The following CCDC40 variants were observed in gnomAD, a reference collection of about 807,000 sequenced individuals.
The protein encoded by CCDC40 is coiled-coil domain 40 molecular ruler complex subunit.
A neutral mutation model predicts 124.5 loss-of-function variants in CCDC40; 104 were observed. The observed-to-expected ratio is 0.84, with a 90% CI of 0.71 to 0.98. CCDC40 has a LOEUF of 0.98. Among genes scored for constraint, CCDC40 ranks in the 50% least tolerant of loss-of-function variants. The pLI, the probability that CCDC40 is intolerant of heterozygous loss-of-function variation, is 0.00. For synonymous variants in CCDC40, 580 were observed against 602.9 expected (o/e 0.96, Z 0.56); for missense variants, 1,463 against 1,503.9 (o/e 0.97, Z 0.45).
At chr17:80,092,931 T>C (rs1483003682) in intron 17 of CCDC40, among the ~76,000 whole-genome samples, 1 of 152,202 alleles carries the variant, frequency 6.6e-6, no homozygotes, top group Non-Finnish European at 1.5e-5. Context: ...TTAATTTTTG[T>C]GTATGGTGCA....
At position 80,066,199 on chromosome 17, in the gene CCDC40, T is replaced by G. The variant is rs2038042686; in HGVS notation, c.1562+593T>G. On this transcript the variant is annotated intron_variant, in intron 10 of 19. Coordinates refer to ENST00000397545, the MANE Select transcript of CCDC40 (RefSeq NM_017950.4). The surrounding 1 kb of genome is among the most constrained non-coding windows in gnomAD (Gnocchi z 4.4). ...TGGCACGTGTCTCACCCGCTGAGCTTTAACTTCCCCTCCACCTTTCGTAGT... is the reference window on the plus strand; with the variant it reads ...TGGCACGTGTCTCACCCGCTGAGCTGTAACTTCCCCTCCACCTTTCGTAGT... 3 of 702,780 alleles carry G rather than the reference T, an allele frequency of 4.3e-6. No homozygotes were observed. The Admixed American group carries it at 6.0e-5, about 14-fold the overall frequency. The allele number at this position is 702,780 out of a possible 1,614,324, so 43.5% of individuals were successfully genotyped here.
intron 1 of CCDC40, 129 bp from the exon 2 acceptor site, chr17:80,037,994 G>T: frequency 1.5e-6 from 1 of 681,834 alleles, no homozygotes; most frequent in Non-Finnish European, 2.7e-6. Context: ...GGACAAAGAC[G>T]TGACAACAGC....
At chr17:80,088,176 A>G (rs1318440036) in intron 16 of CCDC40, 74 bp downstream of exon 16, 2 of 1,009,056 alleles carry the variant, frequency 2.0e-6, no homozygotes, top group Admixed American at 1.8e-5. Flanking sequence ...GTTGAAGACC[A>G]TGTAGGAGGC....
chr17:80,038,161 A>G lies in CCDC40; in HGVS notation c.68A>G (p.Lys23Arg). ...PEDGSASEGE[K>R]EGNNESHMVS... Reference sequence around the variant, plus strand: ...GATGGATCGGCTTCTGAGGGAGAGAAGGAAGGGAATAATGAAAGCCACATG... The same window carrying G: ...GATGGATCGGCTTCTGAGGGAGAGAGGGAAGGGAATAATGAAAGCCACATG... The change falls in exon 2 of 20, where the codon AAG becomes AGG. Residue 23 changes from lysine to arginine, a missense_variant. By Grantham distance (26) the Lys-to-Arg change is conservative. Transcript: ENST00000397545. The G allele has an allele frequency of 6.2e-7, 1 of 1,610,518 alleles. No homozygotes were observed. The highest frequency in any genetic ancestry group is 2.2e-5 in the East Asian group (1 of 44,826).
At position 80,084,827 on chromosome 17, in the gene CCDC40, C is replaced by G. The variant is rs1332791879; in HGVS notation, c.2074C>G (p.Gln692Glu). ...THTSSRLDAHQKTLVELDQDV... is the reference protein window; with the variant it reads ...THTSSRLDAHEKTLVELDQDV... ...CACCAGCAGCAGGCTGGACGCACAC[C>G]AGAAGACCCTGGTGGAGCTGGACCA... is the stretch of plus-strand genomic sequence containing the variant. The change falls in exon 13 of 20, where the codon CAG becomes GAG. Residue 692 changes from glutamine (Q) to glutamate (E), a missense_variant. Coordinates refer to ENST00000397545, the MANE Select transcript of CCDC40 (RefSeq NM_017950.4). The G allele has an allele frequency of 1.2e-6, 2 of 1,614,068 alleles. No individual in the cohort carries two copies. The highest frequency in any genetic ancestry group is 3.3e-5 in the Admixed American group (2 of 59,996).
intron 12 of CCDC40, 42 bp downstream of exon 12, chr17:80,082,100 C>T: frequency 6.3e-7 from 1 of 1,591,470 alleles, no homozygotes; most frequent in Non-Finnish European, 8.6e-7. Flanking sequence ...AAGCCCCCTG[C>T]AGCCTGGGCA....
chr17:80,056,016 A>ATATATATATATTTTTTTTTTTTTTT, intron 7 of CCDC40, among the ~76,000 whole-genome samples: 5 of 10,248 alleles, frequency 4.9e-4, no homozygotes, highest in Non-Finnish European at 4.8e-4. Context: ...ATATATATAT[A>ATATATATATATTTTTTTTTTTTTTT]TTTTTTTTTT....
Position 80,048,582 on chromosome 17 carries a change from G to C in CCDC40, c.677-1G>C. On this transcript the variant is annotated splice_acceptor_variant, in intron 4 of 19. Transcript: ENST00000397545. LOFTEE classifies it high-confidence loss of function. ...AATGGTGTCGCTGTCTCTCCCCCCAGTGATCCCCCCAGGGGTGCCCGATGC... is the reference window on the plus strand; with the variant it reads ...AATGGTGTCGCTGTCTCTCCCCCCACTGATCCCCCCAGGGGTGCCCGATGC... 1.2e-6 allele frequency: 2 copies of C among 1,612,740 alleles called. No individual in the cohort carries two copies. The highest frequency in any genetic ancestry group is 1.7e-6 in the Non-Finnish European group (2 of 1,179,278).
intron 2 of CCDC40, among the ~76,000 whole-genome samples, chr17:80,039,505 G>C (rs1182038579): frequency 6.6e-6 from 1 of 151,000 alleles, no homozygotes; most frequent in South Asian, 2.1e-4. Context: ...TCTGCCTTCC[G>C]AGTTTAAGCA....
At chr17:80,077,571 T>C (rs1297908863) in intron 10 of CCDC40, among the ~76,000 whole-genome samples, 1 of 152,062 alleles carries the variant, frequency 6.6e-6, no homozygotes, top group African/African-American at 2.4e-5. Flanking sequence ...AAGTGACTGG[T>C]TCCAATTTGC....
In CCDC40 at chr17:80,086,017, G is replaced by A. The variant is rs1328794460; in HGVS notation, c.2250G>A (p.Gly750=). 1 of 1,613,878 alleles carries A rather than the reference G, an allele frequency of 6.2e-7. No homozygotes were observed. The highest frequency in any genetic ancestry group is 1.3e-5 in the African/African-American group (1 of 74,908). The change falls in exon 14 of 20, where the codon GGG becomes GGA. Residue 750 remains glycine (G), a synonymous_variant. Transcript: ENST00000397545. The surrounding 1 kb of genome is among the most constrained non-coding windows in gnomAD (Gnocchi z 5.5). ...MVSELGGEEV[G]PLELEIKRLS... ...ATCCGGTCTAGGGGGAAGAAGTGGG[G>A]CCCCTGGAGCTTGAAATCAAAAGGC...
Position 80,082,072 on chromosome 17 carries a change from C to G in CCDC40, c.1989+14C>G. Reference sequence around the variant, plus strand: ...AAGACCAACATGGTAGGCCCCTGCCCCAGGGAGGGGCTGTGCGAAGCCCCC... The same window carrying G: ...AAGACCAACATGGTAGGCCCCTGCCGCAGGGAGGGGCTGTGCGAAGCCCCC... On this transcript the variant is annotated intron_variant, in intron 12 of 19. Coordinates refer to ENST00000397545, the MANE Select transcript of CCDC40 (RefSeq NM_017950.4). 2.5e-6 allele frequency: 4 copies of G among 1,609,890 alleles called. No homozygotes were observed. The South Asian group carries it at 4.4e-5, about 18-fold the overall frequency.
In CCDC40 at chr17:80,095,333, G is replaced by A; in HGVS notation, c.2903G>A (p.Arg968Lys). ...IRAMELAVAR[R>K]ETVTTQAEGQ... ...GCCATGGAGTTGGCGGTTGCCCGCA[G>A]AGAGACCGTCACCACCCAGGCCGAG... The change falls in exon 18 of 20, where the codon AGA becomes AAA. Residue 968 changes from arginine (R) to lysine (K), a missense_variant. Physicochemically the swap from Arg to Lys is conservative, Grantham distance 26. Transcript: ENST00000397545. The A allele has an allele frequency of 6.2e-7, 1 of 1,614,144 alleles. No homozygotes were observed. The highest frequency in any genetic ancestry group is 8.5e-7 in the Non-Finnish European group (1 of 1,180,046).
At chr17:80,090,853 A>C in intron 17 of CCDC40, 2 of 1,101,984 alleles carry the variant, frequency 1.8e-6, no homozygotes, top group South Asian at 2.3e-5. Context: ...TATTTTTCAG[A>C]TCAAGTGCAT....
rs190696966 is a variant in CCDC40, at chr17:80,090,376, A to G, written c.2832+492A>G. ...CGCGCGCAGGCACGTGCACGAACAC[A>G]GGACACACACAGCACGTGCATGAAC... On this transcript the variant is annotated intron_variant, in intron 17 of 19. Transcript: ENST00000397545. 10,055 of 1,105,050 alleles carry G rather than the reference A, an allele frequency of 9.1e-3. 1,408 individuals are homozygous for G. Among genetic ancestry groups the G allele is most frequent in the Non-Finnish European group, 0.011 (8,334 of 778,148 alleles). The allele number at this position is 1,105,050 out of a possible 1,614,324, so 68.5% of individuals were successfully genotyped here. A position where few individuals can be genotyped will look rare whatever the true frequency, so the allele number is the denominator to read the frequency against.
rs1187487524 is a variant in CCDC40 at position 80,087,746 on chromosome 17, G to A, written c.2589G>A (p.Val863=). 9.9e-6 allele frequency: 16 copies of A among 1,614,042 alleles called. No individual in the cohort carries two copies. The highest frequency in any genetic ancestry group is 1.3e-5 in the Non-Finnish European group (15 of 1,180,020). The change falls in exon 15 of 20, where the codon GTG becomes GTA. Residue 863 remains valine (V), a synonymous_variant. Coordinates refer to ENST00000397545, the MANE Select transcript of CCDC40 (RefSeq NM_017950.4). The surrounding 1 kb of genome is among the most constrained non-coding windows in gnomAD (Gnocchi z 4.5). The part of the protein sequence containing the change: ...SSEELEQNNR[V]TENEFVRSLK... ...AGGAGCTGGAGCAGAACAACCGGGTGACAGAGAATGAGTTCGTGCGCTCGC... is the reference window on the plus strand; with the variant it reads ...AGGAGCTGGAGCAGAACAACCGGGTAACAGAGAATGAGTTCGTGCGCTCGC...
rs748572237 is a variant in CCDC40 at position 80,081,953 on chromosome 17, G to A, written c.1884G>A (p.Thr628=). ...GCGAGCTGGAGCTCAGGAGGAAGACGGATGCTGCCATCCGGGAGAAGCTGC... is the reference window on the plus strand; with the variant it reads ...GCGAGCTGGAGCTCAGGAGGAAGACAGATGCTGCCATCCGGGAGAAGCTGC... ...IQGELELRRK[T]DAAIREKLQE... is the part of the protein sequence containing the mutation. The change falls in exon 12 of 20, where the codon ACG becomes ACA. Residue 628 remains threonine (T), a synonymous_variant. Transcript: ENST00000397545. 12 of 1,613,770 alleles carry A rather than the reference G, an allele frequency of 7.4e-6. No individual in the cohort carries two copies. Among genetic ancestry groups the A allele is most frequent in the South Asian group, 3.3e-5 (3 of 91,052 alleles).
intron 10 of CCDC40, among the ~76,000 whole-genome samples, chr17:80,075,370 C>A (rs2143716358): frequency 6.6e-6 from 1 of 151,784 alleles, no homozygotes; most frequent in Non-Finnish European, 1.5e-5. Context: ...CTCCACCTCC[C>A]AGGTTCAAGC....
At chr17:80,060,118 G>A (rs1183930013) in intron 9 of CCDC40, among the ~76,000 whole-genome samples, 3 of 152,218 alleles carry the variant, frequency 2.0e-5, no homozygotes, top group Admixed American at 2.0e-4. Context: ...AACGGGGCAA[G>A]CAGCCATCCC....
Sources: allele counts gnomAD v4.1 joint callset (sites outside exome capture counted in the v4.1 genomes callset), GRCh38; gene constraint gnomAD v4.1.1; non-coding constraint Gnocchi (gnomAD v3.1); transcripts MANE v1.5; gene names NCBI Gene and HGNC (gene_info 2026-07-23, HGNC 2026-07-21).